Variants in ASIC2 observed in about 807,000 individuals in gnomAD.
The protein encoded by ASIC2 is acid-sensing ion channel 2.
A neutral mutation model predicts 57.3 loss-of-function variants in ASIC2; 25 were observed. The ratio of observed to expected loss-of-function variants is 0.44; its 90% confidence interval spans 0.32 to 0.61. The LOEUF (loss-of-function observed/expected upper bound fraction) is 0.61. Ranked by LOEUF, ASIC2 falls within the 20% of genes least tolerant of loss-of-function variation. The pLI, the probability that ASIC2 is intolerant of heterozygous loss-of-function variation, is 0.06. For synonymous variants in ASIC2, 319 were observed against 307.5 expected, an observed-to-expected ratio of 1.04 and a Z score of -0.39; for missense variants, 641 against 738.1, an observed-to-expected ratio of 0.87 and a Z score of 1.52.
At chr17:33,701,582 C>A (rs985564867) in intron 1 of ASIC2, among the ~76,000 whole-genome samples, 1 of 152,152 alleles carries the variant, frequency 6.6e-6, no homozygotes, top group African/African-American at 2.4e-5. Context: ...CAGGGTCTGT[C>A]CTGGTTTGAA....
chr17:33,969,688 CCAT>C (rs1905171635), intron 1 of ASIC2, among the ~76,000 whole-genome samples: 1 of 152,138 alleles, frequency 6.6e-6, no homozygotes, highest in South Asian at 2.1e-4. Flanking sequence ...TCTCCAGCTC[CCAT>C]CATCAATGAC....
intron 1 of ASIC2, among the ~76,000 whole-genome samples, chr17:33,937,249 G>A (rs1388202135): frequency 2.6e-5 from 4 of 152,114 alleles, no homozygotes; most frequent in Admixed American, 1.3e-4. Context: ...TTACACTCAC[G>A]TGCCACCACA....
chr17:33,609,092 A>C (rs776843620), intron 1 of ASIC2, among the ~76,000 whole-genome samples: 4 of 152,142 alleles, frequency 2.6e-5, no homozygotes, highest in Non-Finnish European at 5.9e-5. Context: ...CTATGTACTT[A>C]CTTCTCCCTA....
intron 1 of ASIC2, among the ~76,000 whole-genome samples, chr17:33,282,867 T>C (rs951739071): frequency 6.6e-6 from 1 of 152,214 alleles, no homozygotes; most frequent in Non-Finnish European, 1.5e-5. Flanking sequence ...ATGATTACAC[T>C]GGGCCCATCC....
chr17:33,422,509 A>G (rs1911079749), intron 1 of ASIC2, among the ~76,000 whole-genome samples: 1 of 152,166 alleles, frequency 6.6e-6, no homozygotes, highest in Non-Finnish European at 1.5e-5. Context: ...GAGGGTTGCA[A>G]TGCCATCGTA....
intron 1 of ASIC2, among the ~76,000 whole-genome samples, chr17:33,421,319 G>C (rs1911035212): frequency 6.6e-6 from 1 of 152,208 alleles, no homozygotes; most frequent in African/African-American, 2.4e-5. Context: ...GATGTAATGA[G>C]CTGATCTGAA....
At chr17:33,820,906 T>G (rs989961951) in intron 1 of ASIC2, among the ~76,000 whole-genome samples, 1 of 152,174 alleles carries the variant, frequency 6.6e-6, no homozygotes, top group Non-Finnish European at 1.5e-5. Context: ...GTATAAGGCT[T>G]GCGTTATAGT....
chr17:33,563,882 G>T (rs1332866455), intron 1 of ASIC2, among the ~76,000 whole-genome samples: 1 of 152,176 alleles, frequency 6.6e-6, no homozygotes, highest in Non-Finnish European at 1.5e-5. Context: ...TGACCAGCAG[G>T]ATGGGCTTCC....
At chr17:33,934,082 A>G (rs145613222) in intron 1 of ASIC2, among the ~76,000 whole-genome samples, 277 of 152,194 alleles carry the variant, frequency 1.8e-3, no homozygotes, top group Non-Finnish European at 3.3e-3. Flanking sequence ...CATTGAACAG[A>G]CTAATTCCTG....
At chr17:33,414,644 C>G (rs899804169) in intron 1 of ASIC2, among the ~76,000 whole-genome samples, 2 of 152,174 alleles carry the variant, frequency 1.3e-5, no homozygotes, top group African/African-American at 4.8e-5. Context: ...GGCAGGTGCT[C>G]CAGGGTTTTC....
At chr17:33,359,678 C>T (rs981493240) in intron 1 of ASIC2, among the ~76,000 whole-genome samples, 9 of 152,148 alleles carry the variant, frequency 5.9e-5, no homozygotes, top group African/African-American at 2.2e-4. Flanking sequence ...TAAGAGAAAT[C>T]ATTTGGGGAA....
chr17:33,851,234 C>A (rs2637342), intron 1 of ASIC2, among the ~76,000 whole-genome samples: 1 of 152,098 alleles, frequency 6.6e-6, no homozygotes, highest in Non-Finnish European at 1.5e-5. Flanking sequence ...TTCTTAGGAG[C>A]AGCCATCCCA....
At position 34,039,497 on chromosome 17, in the gene ASIC2, G is replaced by C. The variant is rs1167057472; in HGVS notation, c.555+116481C>G. The C allele has an allele frequency of 6.8e-6, 11 of 1,613,712 alleles. No homozygotes were observed. The East Asian group carries it at 2.2e-4, about 33-fold the overall frequency. ...CTGCCATCTAAACCATAGAGGGGCT[G>C]TTCTACTCGTCGCGGTAAGGGATTG... On this transcript the variant is annotated intron_variant, in intron 1 of 9. Coordinates refer to the ASIC2 transcript ENST00000359872.
At chr17:33,607,112 C>G (rs779987970) in intron 1 of ASIC2, among the ~76,000 whole-genome samples, 4 of 152,026 alleles carry the variant, frequency 2.6e-5, no homozygotes, top group African/African-American at 7.2e-5. Flanking sequence ...CACTCCTGAT[C>G]GGGAGGAGCA....
intron 1 of ASIC2, among the ~76,000 whole-genome samples, chr17:33,188,972 A>G (rs1906309658): frequency 6.6e-6 from 1 of 152,236 alleles, no homozygotes; most frequent in Admixed American, 6.5e-5. Context: ...GCATATGTAG[A>G]AGAAAAATGT....
At chr17:33,834,383 T>G (rs1913207703) in intron 1 of ASIC2, 1 of 152,256 alleles carries the variant, frequency 6.6e-6, no homozygotes, top group African/African-American at 2.4e-5. Context: ...ATGAGTCTTC[T>G]TCCATTGGAG....
chr17:33,181,664 G>C (rs1008258408), intron 1 of ASIC2, among the ~76,000 whole-genome samples: 4 of 152,158 alleles, frequency 2.6e-5, no homozygotes, highest in Non-Finnish European at 4.4e-5. Context: ...TTGGACCTGG[G>C]CATCACCCTC....
chr17:34,088,867 G>A (rs536226216), intron 1 of ASIC2, among the ~76,000 whole-genome samples: 33 of 152,316 alleles, frequency 2.2e-4, no homozygotes, highest in African/African-American at 6.0e-4. Context: ...CTCCTGGTGT[G>A]CTGTTTTTTA....
chr17:33,547,922 G>C (rs2141974347), intron 1 of ASIC2, among the ~76,000 whole-genome samples: 1 of 152,304 alleles, frequency 6.6e-6, no homozygotes, highest in South Asian at 2.1e-4. Context: ...TTCTGAGGAA[G>C]AGGTCAGGAC....
Sources: gnomAD v4.1 joint callset for allele counts (sites outside exome capture counted in the v4.1 genomes callset) on GRCh38, gnomAD v4.1.1 for gene constraint, MANE v1.5 for transcripts, NCBI Gene and HGNC (gene_info 2026-07-23, HGNC 2026-07-21) for gene names.